DNAAF10: variants seen among roughly 807,000 people sequenced by gnomAD.
DNAAF10 encodes the protein dynein axonemal assembly factor 10.
Under a neutral mutation model 43.7 loss-of-function variants are expected in DNAAF10, and 28 were observed. That is an observed-to-expected ratio of 0.64 (90% CI 0.48 to 0.88). The LOEUF is 0.88. DNAAF10 is among the 40% of genes least tolerant of loss of function. DNAAF10 has a pLI of 0.00. For missense variants in DNAAF10, 403 were observed against 439.1 expected (o/e 0.92, Z 0.73); for synonymous variants, 156 against 157.3 (o/e 0.99, Z 0.06).
At chr2:68,148,494 T>C (rs1278445084) in intron 1 of DNAAF10, among the ~76,000 whole-genome samples, 1 of 152,200 alleles carries the variant, frequency 6.6e-6, no homozygotes, top group South Asian at 2.1e-4. Flanking sequence ...GGGTCTTCTA[T>C]TCACCTTCTT....
chr2:68,156,726 T>A (rs1418433646), intron 1 of DNAAF10, among the ~76,000 whole-genome samples: 1 of 152,346 alleles, frequency 6.6e-6, no homozygotes, highest in East Asian at 1.9e-4. Flanking sequence ...CCTTTACTCC[T>A]AGTTTGACCT....
At chr2:68,147,422 A>G (rs1673344339) in intron 2 of DNAAF10, 45 bp downstream of exon 2, 2 of 1,390,758 alleles carry the variant, frequency 1.4e-6, no homozygotes, top group Non-Finnish European at 2.0e-6. Flanking sequence ...ACTATCAAAT[A>G]AATTGCCTAT....
Position 68,147,559 on chromosome 2 carries a change from C to T in DNAAF10, c.192G>A (p.Lys64=), listed in dbSNP as rs1673349478. The change falls in exon 2 of 8, where the codon AAG becomes AAA. Residue 64 remains lysine (K), a synonymous_variant. Transcript: ENST00000295121. The stretch of plus-strand genomic sequence containing the variant: ...ATGTTCCACATTTAATAGGTTTGGC[C>T]TTTTCAATCTTCATAGAAGGGAGGA... The part of the protein sequence containing the change: ...GDLKLLREIE[K]AKPIKCGTFG... 2 of 1,608,596 alleles carry T rather than the reference C, an allele frequency of 1.2e-6. No homozygotes were observed. The highest frequency in any genetic ancestry group is 1.7e-6 in the Non-Finnish European group (2 of 1,177,702).
chr2:68,148,457 T>C (rs1195931687), intron 1 of DNAAF10, among the ~76,000 whole-genome samples: 1 of 152,188 alleles, frequency 6.6e-6, no homozygotes, highest in Non-Finnish European at 1.5e-5. Flanking sequence ...AATATACATA[T>C]TCGTTATACT....
rs748997031 is a variant in DNAAF10 at position 68,157,254 on chromosome 2, C to A, written c.183+7G>T. The A allele has an allele frequency of 1.2e-6, 2 of 1,610,254 alleles. No homozygotes were observed. The highest frequency in any genetic ancestry group is 1.7e-6 in the Non-Finnish European group (2 of 1,178,034). ...ACGGCAGTCCGGATCCTCGACCCGG[C>A]ACCCACCTCCCGAAGCAGCTTCAGG... On this transcript the variant is annotated splice_region_variant and intron_variant, in intron 1 of 7. Coordinates refer to ENST00000295121, the MANE Select transcript of DNAAF10 (RefSeq NM_138458.4).
At chr2:68,139,267 C>A (rs1200124623) in intron 4 of DNAAF10, among the ~76,000 whole-genome samples, 1 of 152,142 alleles carries the variant, frequency 6.6e-6, no homozygotes, top group Non-Finnish European at 1.5e-5. Flanking sequence ...CCCTCCTCCC[C>A]TCTCTCTTGC....
intron 2 of DNAAF10, among the ~76,000 whole-genome samples, chr2:68,145,206 A>T (rs2103623193): frequency 6.6e-6 from 1 of 151,916 alleles, no homozygotes; most frequent in African/African-American, 2.4e-5. Flanking sequence ...TGACAGAGCA[A>T]GACCCTGTTT....
At chr2:68,143,552 A>G (rs1377132257) in intron 3 of DNAAF10, among the ~76,000 whole-genome samples, 1 of 152,198 alleles carries the variant, frequency 6.6e-6, no homozygotes, top group Non-Finnish European at 1.5e-5. Context: ...TCATTTACTC[A>G]TTATTTTTAA....
rs1297078959 is a variant in DNAAF10 at position 68,157,086 on chromosome 2, G to C, written c.183+175C>G. ...CGCGGAGGAACTACCCCGCGGATGA[G>C]AAGAAAGGTTTTAAATAGGAAACAT... On this transcript the variant is annotated intron_variant, in intron 1 of 7. Transcript: ENST00000295121. The C allele has an allele frequency of 7.7e-6, 7 of 914,984 alleles. No homozygotes were observed. The Admixed American group carries it at 2.0e-4, about 27-fold the overall frequency. The allele number at this position is 914,984 out of a possible 1,614,324, so 56.7% of individuals were successfully genotyped here.
intron 1 of DNAAF10, among the ~76,000 whole-genome samples, chr2:68,151,516 G>C (rs1673457484): frequency 6.6e-6 from 1 of 152,060 alleles, no homozygotes; most frequent in African/African-American, 2.4e-5. Flanking sequence ...TTTTATTCAT[G>C]CAATTATGTC....
At chr2:68,135,146 T>C (rs1012832138) in intron 6 of DNAAF10, among the ~76,000 whole-genome samples, 19 of 152,136 alleles carry the variant, frequency 1.2e-4, no homozygotes, top group African/African-American at 4.1e-4. Flanking sequence ...ACACTCAAAA[T>C]ATAAAAACAT....
intron 1 of DNAAF10, among the ~76,000 whole-genome samples, chr2:68,156,178 G>A (rs1370457716): frequency 6.6e-6 from 1 of 151,168 alleles, no homozygotes; most frequent in Non-Finnish European, 1.5e-5. Context: ...CGAAGGAAAG[G>A]TAGAAAAAAA....
At chr2:68,139,866 C>T (rs184045001) in intron 4 of DNAAF10, among the ~76,000 whole-genome samples, 60 of 151,720 alleles carry the variant, frequency 4.0e-4, no homozygotes, top group African/African-American at 1.4e-3. Context: ...AGGCCAACTA[C>T]AGCTCAAACA....
At chr2:68,156,964 G>A (rs1318851042) in intron 1 of DNAAF10, 6 of 461,826 alleles carry the variant, frequency 1.3e-5, no homozygotes, top group Middle Eastern at 1.2e-3. Context: ...CTCAGCTGAT[G>A]CCTGTCGAAT....
intron 5 of DNAAF10, among the ~76,000 whole-genome samples, chr2:68,138,175 AAAACAAACAAACAAAC>A (rs150999876): frequency 6.6e-6 from 1 of 151,840 alleles, no homozygotes; most frequent in Non-Finnish European, 1.5e-5. Context: ...ACTCCATCTC[AAAACAAACAAACAAAC>A]AAACAAACAA....
At chr2:68,135,713 A>G (rs1673026581) in intron 6 of DNAAF10, among the ~76,000 whole-genome samples, 1 of 152,236 alleles carries the variant, frequency 6.6e-6, no homozygotes, top group African/African-American at 2.4e-5. Flanking sequence ...ATAAAGACTC[A>G]TATCTCAAAA....
In DNAAF10 at chr2:68,135,878, C is replaced by G. The variant is rs1673030607; in HGVS notation, c.769-1079G>C. ...ACCTCTTAAAATACACCAGAGTCTTCTATTTGGCAGATTTAGCAATTACTG... is the reference window on the plus strand; with the variant it reads ...ACCTCTTAAAATACACCAGAGTCTTGTATTTGGCAGATTTAGCAATTACTG... On this transcript the variant is annotated intron_variant, in intron 6 of 7. Coordinates refer to ENST00000295121, the MANE Select transcript of DNAAF10 (RefSeq NM_138458.4). 2.0e-5 allele frequency among the ~76,000 whole-genome samples: 3 copies of G among 152,206 alleles called. 1 individual carries two copies. In the South Asian group the frequency reaches 6.2e-4, roughly 32 times the overall value.
In DNAAF10 at chr2:68,134,701, C is replaced by A; in HGVS notation, c.866+1G>T. The A allele has an allele frequency of 6.2e-7, 1 of 1,609,968 alleles. No individual in the cohort carries two copies. The highest frequency in any genetic ancestry group is 8.5e-7 in the Non-Finnish European group (1 of 1,178,980). Reference sequence around the variant, plus strand: ...GGAGCAGTGTGCACTGGCAGACTTACTACTTCCAGAGGTGAAGGCCGCCGG... The same window carrying A: ...GGAGCAGTGTGCACTGGCAGACTTAATACTTCCAGAGGTGAAGGCCGCCGG... On this transcript the variant is annotated splice_donor_variant, in intron 7 of 7. Coordinates refer to ENST00000295121, the MANE Select transcript of DNAAF10 (RefSeq NM_138458.4). LOFTEE classifies it high-confidence loss of function.
rs184925633 is a variant in DNAAF10, at chr2:68,140,702, G to A, written c.517+992C>T. On this transcript the variant is annotated intron_variant, in intron 4 of 7. Coordinates refer to ENST00000295121, the MANE Select transcript of DNAAF10 (RefSeq NM_138458.4). ...AAAAACTTAGAACTATCTTCAGGCC[G>A]TCCTAACACCTCTGGCCATTGTCCT... 1.9e-3 allele frequency among the ~76,000 whole-genome samples: 287 copies of A among 152,110 alleles called. 1 individual carries two copies. The highest frequency in any genetic ancestry group is 3.4e-3 in the Middle Eastern group (1 of 294).
Sources: gnomAD v4.1 joint callset for allele counts (sites outside exome capture counted in the v4.1 genomes callset) on GRCh38, gnomAD v4.1.1 for gene constraint, MANE v1.5 for transcripts, NCBI Gene and HGNC (gene_info 2026-07-23, HGNC 2026-07-21) for gene names.